WDPCP: variants seen among roughly 807,000 people sequenced by gnomAD.
WDPCP encodes WD repeat containing planar cell polarity effector.
WDPCP carries 71 observed loss-of-function variants against 93.1 expected under a neutral mutation model. The observed-to-expected ratio is 0.76, with a 90% CI of 0.63 to 0.93. The LOEUF (loss-of-function observed/expected upper bound fraction) is 0.93, where lower values mean the gene tolerates loss of function less well. Among genes scored for constraint, WDPCP ranks in the 40% least tolerant of loss-of-function variants. The pLI, the probability that WDPCP is intolerant of heterozygous loss-of-function variation, is 0.00. For synonymous variants in WDPCP, 315 were observed against 315.0 expected, an observed-to-expected ratio of 1.00 and a Z score of 0.00; for missense variants, 844 against 887.4, an observed-to-expected ratio of 0.95 and a Z score of 0.62.
intron 17 of WDPCP, among the ~76,000 whole-genome samples, chr2:63,133,736 C>G (rs1670441007): frequency 6.6e-6 from 1 of 152,124 alleles, no homozygotes. Context: ...AAACTTCTTT[C>G]CTTTATAAAT....
chr2:63,595,816 C>T (rs572967207), intron 3 of WDPCP, among the ~76,000 whole-genome samples: 7 of 152,044 alleles, frequency 4.6e-5, no homozygotes, highest in Admixed American at 3.9e-4. Flanking sequence ...AAATTGTCTA[C>T]ACACACACAC....
chr2:63,563,793 CAAG>C (rs1320717476), intron 1 of WDPCP, among the ~76,000 whole-genome samples: 3 of 152,100 alleles, frequency 2.0e-5, no homozygotes, highest in African/African-American at 4.8e-5. Context: ...TACCACACAG[CAAG>C]AAGGACTTCA....
At chr2:63,165,737 A>C (rs4671459) in intron 15 of WDPCP, among the ~76,000 whole-genome samples, 23,548 of 150,844 alleles carry the variant, frequency 0.16, 2,420 homozygotes, top group Non-Finnish European at 0.2. Context: ...ATTTGCATAG[A>C]AATTTGCGAA....
At chr2:63,191,548 C>G (rs1157429660) in intron 14 of WDPCP, among the ~76,000 whole-genome samples, 1 of 152,136 alleles carries the variant, frequency 6.6e-6, no homozygotes. Flanking sequence ...ATTTGGCCTC[C>G]AATTCCTAAG....
chr2:63,509,471 A>G (rs2121354), intron 1 of WDPCP, among the ~76,000 whole-genome samples: 122,245 of 152,082 alleles, frequency 0.8, 49,801 homozygotes, highest in East Asian at 0.98. Context: ...CATGCCCACA[A>G]GAGAAAGCAG....
chr2:63,779,295 G>A (rs550970788), intron 2 of WDPCP, among the ~76,000 whole-genome samples: 27 of 152,236 alleles, frequency 1.8e-4, no homozygotes, highest in African/African-American at 6.5e-4. Context: ...GTAACCTATC[G>A]TATAAATGAC....
At chr2:63,539,386 GAAT>G (rs1181152044) in intron 1 of WDPCP, among the ~76,000 whole-genome samples, 1 of 152,090 alleles carries the variant, frequency 6.6e-6, no homozygotes, top group Non-Finnish European at 1.5e-5. Flanking sequence ...TGACTTCACT[GAAT>G]AATATCTGTT....
At position 63,575,357 on chromosome 2, in the gene WDPCP, T is replaced by TACAGTATATACTGTATATGGTATATAC. The variant is rs1707861756; in HGVS notation, c.75+12839_75+12840insGTATATACCATATACAGTATATACTGT. The stretch of plus-strand genomic sequence containing the variant: ...TATGGTATATACTGTATATGGTATA[T>TACAGTATATACTGTATATGGTATATAC]ACAGTATATACAGTATATACAGTAT... On this transcript the variant is annotated intron_variant, in intron 1 of 17. Transcript: ENST00000272321. Among the ~76,000 whole-genome samples, 66 of 107,892 alleles carry TACAGTATATACTGTATATGGTATATAC rather than the reference T, an allele frequency of 6.1e-4. 2 individuals are homozygous for TACAGTATATACTGTATATGGTATATAC. Among genetic ancestry groups the TACAGTATATACTGTATATGGTATATAC allele is most frequent in the Admixed American group, 5.8e-3 (65 of 11,188 alleles). 70.8% of individuals were successfully genotyped at this position (107,892 alleles called of 152,430 possible).
At chr2:63,719,078 T>C (rs1669377890) in intron 2 of WDPCP, among the ~76,000 whole-genome samples, 1 of 152,130 alleles carries the variant, frequency 6.6e-6, no homozygotes, top group African/African-American at 2.4e-5. Flanking sequence ...GAGATTTAAC[T>C]GAAGATAATG....
chr2:63,728,692 T>A (rs1341125131), intron 2 of WDPCP, among the ~76,000 whole-genome samples: 1 of 152,160 alleles, frequency 6.6e-6, no homozygotes, highest in African/African-American at 2.4e-5. Context: ...ATAGCATGAC[T>A]TGAACGTGGG....
chr2:63,720,003 G>C (rs1481401567), intron 2 of WDPCP, among the ~76,000 whole-genome samples: 1 of 152,126 alleles, frequency 6.6e-6, no homozygotes, highest in Non-Finnish European at 1.5e-5. Context: ...GGTTGCCTCT[G>C]GGGTAGATGG....
chr2:63,392,864 G>A (rs559590111), intron 10 of WDPCP, among the ~76,000 whole-genome samples: 138 of 152,238 alleles, frequency 9.1e-4, no homozygotes, highest in African/African-American at 2.7e-3. Context: ...TTATAATGGC[G>A]ATCATTAAAA....
chr2:63,684,601 T>C (rs1468032568), intron 2 of WDPCP: 4 of 719,434 alleles, frequency 5.6e-6, no homozygotes, highest in African/African-American at 1.8e-5. Context: ...TCAGTAAGGA[T>C]GTCTTCAGAG....
At chr2:63,760,285 A>G (rs1670036742) in intron 2 of WDPCP, among the ~76,000 whole-genome samples, 2 of 152,300 alleles carry the variant, frequency 1.3e-5, no homozygotes, top group South Asian at 4.1e-4. Flanking sequence ...AGAGTTTAAT[A>G]CGACACCCAG....
chr2:63,765,948 T>C (rs1670131726), intron 2 of WDPCP, among the ~76,000 whole-genome samples: 1 of 152,206 alleles, frequency 6.6e-6, no homozygotes, highest in Non-Finnish European at 1.5e-5. Context: ...AGGCTTCCTA[T>C]CAGATATTTG....
chr2:63,416,436 G>A (rs2105314596), intron 9 of WDPCP, among the ~76,000 whole-genome samples: 3 of 73,468 alleles, frequency 4.1e-5, no homozygotes, highest in Middle Eastern at 0.014. Flanking sequence ...TTGACCTCAA[G>A]TGATCCACCT....
intron 3 of WDPCP, among the ~76,000 whole-genome samples, chr2:63,613,763 G>A (rs867797231): frequency 2.6e-5 from 4 of 152,210 alleles, no homozygotes; most frequent in Non-Finnish European, 5.9e-5. Flanking sequence ...GCTAAGAACC[G>A]AGGAGTTTCT....
At chr2:63,363,955 G>C (rs1458124258) in intron 12 of WDPCP, among the ~76,000 whole-genome samples, 1 of 152,152 alleles carries the variant, frequency 6.6e-6, no homozygotes, top group East Asian at 1.9e-4. Context: ...AAGGAGGATT[G>C]CCTGAGGCCA....
chr2:63,619,925 G>A (rs1709714425), intron 3 of WDPCP, among the ~76,000 whole-genome samples: 1 of 152,156 alleles, frequency 6.6e-6, no homozygotes, highest in Admixed American at 6.5e-5. Context: ...AGGGGTCGGG[G>A]AACTCCCTCC....
Sources: gnomAD v4.1 joint callset for allele counts (sites outside exome capture counted in the v4.1 genomes callset) on GRCh38, gnomAD v4.1.1 for gene constraint, MANE v1.5 for transcripts, NCBI Gene and HGNC (gene_info 2026-07-23, HGNC 2026-07-21) for gene names.